The following CDKL3 variants were observed in gnomAD, a reference collection of about 807,000 sequenced individuals.
CDKL3 encodes cyclin-dependent kinase-like 3.
A neutral mutation model predicts 69.3 loss-of-function variants in CDKL3; 65 were observed. That is an observed-to-expected ratio of 0.94 (90% CI 0.77 to 1.15). The LOEUF (loss-of-function observed/expected upper bound fraction) is 1.15, where lower values mean the gene tolerates loss of function less well. Among genes scored for constraint, CDKL3 ranks in the 50% most tolerant of loss-of-function variants. The pLI is 0.00. For missense variants in CDKL3, 652 were observed against 689.2 expected (o/e 0.95, Z 0.61); for synonymous variants, 202 against 221.6 (o/e 0.91, Z 0.79).
chr5:134,319,611 G>T, intron 5 of CDKL3, 114 bp from the exon 6 acceptor site: 1 of 911,548 alleles, frequency 1.1e-6, no homozygotes, highest in Non-Finnish European at 1.6e-6. Flanking sequence ...AAGGAAGAAT[G>T]TGAATTATGT....
intron 4 of CDKL3, among the ~76,000 whole-genome samples, chr5:134,327,206 T>C (rs1774620685): frequency 1.3e-5 from 2 of 151,992 alleles, no homozygotes; most frequent in South Asian, 4.1e-4. Context: ...CATGGAACAA[T>C]GGTTCTACCT....
intron 4 of CDKL3, among the ~76,000 whole-genome samples, chr5:134,330,439 G>A (rs1011714660): frequency 1.3e-5 from 2 of 152,208 alleles, no homozygotes; most frequent in African/African-American, 2.4e-5. Context: ...TTTTGGCCAG[G>A]TGTAGTGGCT....
At chr5:134,306,174 A>T (rs1447178374) in intron 10 of CDKL3, among the ~76,000 whole-genome samples, 3 of 152,140 alleles carry the variant, frequency 2.0e-5, no homozygotes, top group African/African-American at 7.2e-5. Flanking sequence ...ACTCAGGAAG[A>T]AAAAAAGAAA....
rs562039995 is a variant in CDKL3, at chr5:134,344,148, A to C, written c.539+6101T>G. 1.6e-4 allele frequency among the ~76,000 whole-genome samples: 24 copies of C among 152,368 alleles called. No individual in the cohort carries two copies. In the South Asian group the frequency reaches 4.8e-3, roughly 30 times the overall value. ...TTACCTTATAGCATATACAAAAATT[A>C]ACTCAAATGGATCAGACTTGAATGT... On this transcript the variant is annotated intron_variant, in intron 4 of 12. Transcript: ENST00000265334.
intron 3 of CDKL3, among the ~76,000 whole-genome samples, chr5:134,354,537 T>C (rs1364814371): frequency 6.6e-6 from 1 of 152,220 alleles, no homozygotes; most frequent in Non-Finnish European, 1.5e-5. Context: ...TCTGTCAAAA[T>C]ATATAAATCC....
At chr5:134,369,849 G>A (rs1265826906), upstream of CDKL3, among the ~76,000 whole-genome samples, 1 of 152,074 alleles carries the variant, frequency 6.6e-6, no homozygotes, top group African/African-American at 2.4e-5. Flanking sequence ...GCTCATGAGG[G>A]ATATTTTTAA....
intron 6 of CDKL3, among the ~76,000 whole-genome samples, chr5:134,312,692 G>A (rs1769895346): frequency 6.6e-6 from 1 of 152,212 alleles, no homozygotes; most frequent in Non-Finnish European, 1.5e-5. Context: ...GCCCTGACAG[G>A]TGGAAAGTTC....
Position 134,298,524 on chromosome 5 carries a change from A to T in CDKL3, c.*127T>A. On this transcript the variant is annotated 3_prime_UTR_variant, in exon 13 of 13. Transcript: ENST00000265334. ...CAGTAAATGTTTTGCTAACAAAAAA[A>T]GCTGGATGATGCTCATGCACATGGA... The T allele has an allele frequency of 1.4e-6, 2 of 1,451,492 alleles. No individual in the cohort carries two copies. The highest frequency in any genetic ancestry group is 1.4e-5 in the African/African-American group (1 of 70,382). The allele number at this position is 1,451,492 out of a possible 1,614,324, so 89.9% of individuals were successfully genotyped here. A position where few individuals can be genotyped will look rare whatever the true frequency, so the allele number is the denominator to read the frequency against.
At chr5:134,341,128 T>G (rs1268040373) in intron 4 of CDKL3, among the ~76,000 whole-genome samples, 1 of 152,156 alleles carries the variant, frequency 6.6e-6, no homozygotes, top group African/African-American at 2.4e-5. Context: ...GAAAAAACAT[T>G]TGATAAAATC....
chr5:134,339,879 G>A (rs939417143), intron 4 of CDKL3, among the ~76,000 whole-genome samples: 9 of 152,260 alleles, frequency 5.9e-5, no homozygotes, highest in Middle Eastern at 3.4e-3. Flanking sequence ...GCTGGGCACA[G>A]TAGCTCATTC....
chr5:134,367,521 G>GT (rs1329832873), upstream of CDKL3, among the ~76,000 whole-genome samples: 2 of 151,612 alleles, frequency 1.3e-5, no homozygotes, highest in Non-Finnish European at 2.9e-5. Context: ...TTACAGGCGT[G>GT]TGCCACCACG....
chr5:134,284,924 A>G (rs1207099715), downstream of CDKL3, among the ~76,000 whole-genome samples: 2 of 152,212 alleles, frequency 1.3e-5, no homozygotes, highest in African/African-American at 2.4e-5. Flanking sequence ...TTTTACAAAC[A>G]ATTTGTGCAG....
At chr5:134,317,641 AC>A (rs1302199756) in intron 6 of CDKL3, among the ~76,000 whole-genome samples, 1 of 151,964 alleles carries the variant, frequency 6.6e-6, no homozygotes, top group East Asian at 1.9e-4. Context: ...ATTTTTTTAA[AC>A]AGGAACTGGC....
intron 4 of CDKL3, among the ~76,000 whole-genome samples, chr5:134,346,830 C>T (rs1752019570): frequency 6.6e-6 from 1 of 152,204 alleles, no homozygotes; most frequent in African/African-American, 2.4e-5. Context: ...CCGATAATTG[C>T]AATGCATTGA....
At position 134,302,657 on chromosome 5, in the gene CDKL3, G is replaced by T; in HGVS notation, c.1652C>A (p.Ser551Ter). Reference protein sequence around the residue: ...VKQIKMLKRESKKTESSKIPT... With the variant: ...VKQIKMLKRE ...TATCTTAGATGACTCTGTTTTCTTT[G>T]ACTCCCTCTTCAGCATTTTTATCTG... The change falls in exon 12 of 13, where the codon TCA (serine) becomes TAA (stop). Residue 551 changes from serine to a stop codon, truncating the protein, a stop_gained. Coordinates refer to ENST00000265334, the MANE Select transcript of CDKL3 (RefSeq NM_001113575.2). LOFTEE classifies it high-confidence loss of function. The T allele has an allele frequency of 6.3e-7, 1 of 1,599,146 alleles. No homozygotes were observed. Among genetic ancestry groups the T allele is most frequent in the South Asian group, 1.1e-5 (1 of 88,856 alleles).
Position 134,365,801 on chromosome 5 carries a change from T to A in CDKL3, c.165+558A>T, listed in dbSNP as rs75430977. 6.5e-3 allele frequency among the ~76,000 whole-genome samples: 993 copies of A among 152,322 alleles called. 9 individuals carry two copies. Among genetic ancestry groups the A allele is most frequent in the African/African-American group, 0.022 (911 of 41,580 alleles). On this transcript the variant is annotated intron_variant, in intron 2 of 12. Transcript: ENST00000265334. Reference sequence around the variant, plus strand: ...TTTCCACTTTGCCCTTTATCCTTTGTCCTTCTTTAGTCTCTTTTGAGTTTA... The same window carrying A: ...TTTCCACTTTGCCCTTTATCCTTTGACCTTCTTTAGTCTCTTTTGAGTTTA...
intron 1 of CDKL3, 81 bp from the exon 2 acceptor site, chr5:134,366,625 C>A: frequency 4.9e-6 from 4 of 819,816 alleles, no homozygotes; most frequent in Non-Finnish European, 7.4e-6. Context: ...TGCATATCCA[C>A]AATAAACCCA....
At chr5:134,328,024 A>C (rs1003138971) in intron 4 of CDKL3, among the ~76,000 whole-genome samples, 2 of 152,172 alleles carry the variant, frequency 1.3e-5, no homozygotes, top group Admixed American at 6.5e-5. Context: ...AATAACAGTA[A>C]CAAGTCCCAG....
At chr5:134,371,496 G>C, upstream of CDKL3, 1 of 1,473,208 alleles carries the variant, frequency 6.8e-7, no homozygotes, top group South Asian at 1.2e-5. Context: ...CGGCGGCGGC[G>C]GCGGCGGCGA....
Sources: gnomAD v4.1 joint callset for allele counts (sites outside exome capture counted in the v4.1 genomes callset) on GRCh38, gnomAD v4.1.1 for gene constraint, MANE v1.5 for transcripts, NCBI Gene and HGNC (gene_info 2026-07-23, HGNC 2026-07-21) for gene names.